Variants in RELT observed in about 807,000 individuals in gnomAD.
RELT encodes RELT TNF receptor, also known as tumor necrosis factor receptor superfamily member 19L.
RELT carries 37 observed loss-of-function variants against 51.1 expected under a neutral mutation model. The ratio of observed to expected loss-of-function variants is 0.72; its 90% CI spans 0.56 to 0.95. RELT has a LOEUF of 0.95. Ranked by LOEUF, RELT falls within the 40% of genes least tolerant of loss-of-function variation. RELT has a pLI of 0.00. For missense variants in RELT, 535 were observed against 572.6 expected, an observed-to-expected ratio of 0.93 and a Z score of 0.67; for synonymous variants, 241 against 235.7, an observed-to-expected ratio of 1.02 and a Z score of -0.21.
In RELT at chr11:73,395,496, C is replaced by CG; in HGVS notation, c.*7dup. The stretch of plus-strand genomic sequence containing the variant: ...GAGAGCAACCTGGTCATCTGAGGGG[C>CG]GGTCTAGTCTAAGGACACTGCGGCC... On this transcript the variant is annotated 3_prime_UTR_variant, in exon 11 of 11. Coordinates refer to ENST00000064780, the MANE Select transcript of RELT (RefSeq NM_152222.2). 1 of 788,224 alleles carries CG rather than the reference C, an allele frequency of 1.3e-6. No individual in the cohort carries two copies. The highest frequency in any genetic ancestry group is 2.4e-6 in the Non-Finnish European group (1 of 424,808). The allele number at this position is 788,224 out of a possible 1,614,324, so 48.8% of individuals were successfully genotyped here.
Position 73,393,801 on chromosome 11 carries a change from CCTCTTCCCCAGGATCAGGGCCCTT to C in RELT, c.626-22_627del, listed in dbSNP as rs749777885. On this transcript the variant is annotated splice_polypyrimidine_tract_variant and intron_variant, in intron 6 of 10. Coordinates refer to ENST00000064780, the MANE Select transcript of RELT (RefSeq NM_152222.2). ...GTTTAGCTCAGGAGTGCGGCTTCCC[CCTCTTCCCCAGGATCAGGGCCCTT>C]CTCTTCCCCAGGAATCAACCCTGCC... The C allele has an allele frequency of 4.4e-6, 7 of 1,606,692 alleles. No individual in the cohort carries two copies. Among genetic ancestry groups the C allele is most frequent in the South Asian group, 1.1e-5 (1 of 90,912 alleles).
In RELT at chr11:73,392,439, T is replaced by G. The variant is rs142304413; in HGVS notation, c.596T>G (p.Val199Gly). The G allele has an allele frequency of 1.1e-5, 18 of 1,612,794 alleles. No individual in the cohort carries two copies. Among genetic ancestry groups the G allele is most frequent in the Non-Finnish European group, 1.5e-5 (18 of 1,179,814 alleles). Residue 199 changes from valine to glycine, a missense_variant, in exon 6 of 11, where the codon GTC (valine) becomes GGC (glycine). Transcript: ENST00000064780. ...TACCACTGCACGGCGCACAAGGAGG[T>G]CGGGCCCGGCCCTGGAGGTGGAGGC... ...KGYHCTAHKE[V>G]GPGPGGGGSG...
At position 73,390,558 on chromosome 11, in the gene RELT, C is replaced by A. The variant is rs146619078; in HGVS notation, c.53C>A (p.Pro18His). The A allele has an allele frequency of 2.5e-6, 4 of 1,613,904 alleles. No individual in the cohort carries two copies. The African/African-American group carries it at 5.3e-5, about 22-fold the overall frequency. ...TGCCTACTGTTCTTCTAGCTGCTGC[C>A]CTGGCCTCTCGCCACCCTGACATCA... ...RPLSCFLMLLPWPLATLTSTT... is the reference protein window; with the variant it reads ...RPLSCFLMLLHWPLATLTSTT... Residue 18 changes from proline (P) to histidine (H), a missense_variant, in exon 3 of 11, where the codon CCC (proline) becomes CAC (histidine). Coordinates refer to ENST00000064780, the MANE Select transcript of RELT (RefSeq NM_152222.2).
chr11:73,387,789 G>T (rs751712565), intron 1 of RELT, among the ~76,000 whole-genome samples: 15 of 151,826 alleles, frequency 9.9e-5, no homozygotes, highest in Non-Finnish European at 1.8e-4. Context: ...AGAGGACTCT[G>T]AGTGATTTGG....
chr11:73,392,057 G>A (rs1866223456), intron 5 of RELT, 154 bp from the exon 6 acceptor site: 3 of 850,286 alleles, frequency 3.5e-6, no homozygotes, highest in African/African-American at 1.7e-5. Context: ...GGAGGGCAGT[G>A]GGTTGACCTT....
At position 73,395,208 on chromosome 11, in the gene RELT, C is replaced by A. The variant is rs199654144; in HGVS notation, c.1168C>A (p.Pro390Thr). ...LPDSPQPGLPPEQQALLGSGG... is the reference protein window; with the variant it reads ...LPDSPQPGLPTEQQALLGSGG... ...TGACTCCCCACAGCCTGGCCTCCCCCCTGAGCAGCAGGCCCTGCTAGGAAG... is the reference window on the plus strand; with the variant it reads ...TGACTCCCCACAGCCTGGCCTCCCCACTGAGCAGCAGGCCCTGCTAGGAAG... The change falls in exon 10 of 11, where the codon CCT becomes ACT. Residue 390 changes from proline to threonine, a missense_variant. By Grantham distance (38) the Pro-to-Thr change is conservative. Coordinates refer to ENST00000064780, the MANE Select transcript of RELT (RefSeq NM_152222.2). 44 of 1,613,346 alleles carry A rather than the reference C, an allele frequency of 2.7e-5. No individual in the cohort carries two copies. Among genetic ancestry groups the A allele is most frequent in the African/African-American group, 4.0e-5 (3 of 75,054 alleles).
intron 1 of RELT, among the ~76,000 whole-genome samples, chr11:73,384,803 C>A (rs1216553681): frequency 6.6e-6 from 1 of 152,186 alleles, no homozygotes; most frequent in African/African-American, 2.4e-5. Context: ...ATGGAGCAGG[C>A]AGCTCGTGGT....
intron 1 of RELT, among the ~76,000 whole-genome samples, chr11:73,382,753 A>C (rs751803956): frequency 6.6e-6 from 1 of 152,170 alleles, no homozygotes; most frequent in Non-Finnish European, 1.5e-5. Context: ...GACCCAGCTT[A>C]GAGTGGGAAG....
At position 73,390,888 on chromosome 11, in the gene RELT, C is replaced by T. The variant is rs768412908; in HGVS notation, c.254C>T (p.Thr85Ile). The change falls in exon 4 of 11, where the codon ACT becomes ATT. Residue 85 changes from threonine (T) to isoleucine (I), a missense_variant. Transcript: ENST00000064780. Reference protein sequence around the residue: ...RRLEAQVGMATRDTLCGDCWP... With the variant: ...RRLEAQVGMAIRDTLCGDCWP... ...CTGGAGGCCCAGGTGGGCATGGCAA[C>T]TCGAGATACACTCTGTGGAGACTGC... 5 of 1,613,336 alleles carry T rather than the reference C, an allele frequency of 3.1e-6. No individual in the cohort carries two copies. In the Admixed American group the frequency reaches 8.4e-5, roughly 27 times the overall value.
chr11:73,394,065 G>A lies in RELT; in HGVS notation c.706+148G>A. 1 of 955,548 alleles carries A rather than the reference G, an allele frequency of 1.0e-6. No individual in the cohort carries two copies. The highest frequency in any genetic ancestry group is 1.6e-5 in the African/African-American group (1 of 61,932). The allele number at this position is 955,548 out of a possible 1,614,324, so 59.2% of individuals were successfully genotyped here. A position where few individuals can be genotyped will look rare whatever the true frequency, so the allele number is the denominator to read the frequency against. On this transcript the variant is annotated intron_variant, in intron 7 of 10. Transcript: ENST00000064780. This position sits in a 1 kb window ranked among gnomAD's most constrained non-coding sequence, Gnocchi z 4.9. Reference sequence around the variant, plus strand: ...AGCAGCCTGGTGCTCTCTGACCCAGGAGTGCACACCTCTGCCTCCCATTCT... The same window carrying A: ...AGCAGCCTGGTGCTCTCTGACCCAGAAGTGCACACCTCTGCCTCCCATTCT...
intron 1 of RELT, among the ~76,000 whole-genome samples, chr11:73,387,144 C>T (rs1866136609): frequency 6.6e-6 from 1 of 152,122 alleles, no homozygotes; most frequent in South Asian, 2.1e-4. Flanking sequence ...GGGGTTTCAG[C>T]ATCTTGGCCA....
chr11:73,377,831 A>G (rs1157180451), intron 1 of RELT, among the ~76,000 whole-genome samples: 1 of 151,852 alleles, frequency 6.6e-6, no homozygotes, highest in Non-Finnish European at 1.5e-5. Flanking sequence ...AGGCAGAAAG[A>G]CTGCAGTGGG....
chr11:73,377,054 CTG>C (rs1262616926), intron 1 of RELT, among the ~76,000 whole-genome samples: 3 of 152,166 alleles, frequency 2.0e-5, no homozygotes, highest in Admixed American at 1.3e-4. Flanking sequence ...CAGAGGGGCT[CTG>C]TGTGTGGGAG....
chr11:73,391,841 G>A (rs1050194652), intron 5 of RELT: 5 of 374,674 alleles, frequency 1.3e-5, no homozygotes, highest in African/African-American at 2.0e-5. Context: ...ACCTCCTCCC[G>A]CCACTGAGTC....
chr11:73,383,289 C>G (rs569958850), intron 1 of RELT, among the ~76,000 whole-genome samples: 3 of 152,240 alleles, frequency 2.0e-5, no homozygotes, highest in Non-Finnish European at 4.4e-5. Flanking sequence ...CCCTAGTAAG[C>G]TGGGGTTCCA....
At chr11:73,385,228 G>A (rs1866106091) in intron 1 of RELT, among the ~76,000 whole-genome samples, 1 of 152,148 alleles carries the variant, frequency 6.6e-6, no homozygotes, top group East Asian at 1.9e-4. Context: ...AGGGGAGGGG[G>A]AGTGGCGTGG....
At position 73,393,021 on chromosome 11, in the gene RELT, C is replaced by T. The variant is rs867742773; in HGVS notation, c.625+553C>T. ...TCCTTCTTCCCCACACCACTACTCCCCTGCAGGGCAGGGGCCCACTCGCAC... is the reference window on the plus strand; with the variant it reads ...TCCTTCTTCCCCACACCACTACTCCTCTGCAGGGCAGGGGCCCACTCGCAC... On this transcript the variant is annotated intron_variant, in intron 6 of 10. Coordinates refer to ENST00000064780, the MANE Select transcript of RELT (RefSeq NM_152222.2). 63 of 1,001,384 alleles carry T rather than the reference C, an allele frequency of 6.3e-5. No homozygotes were observed. In the Middle Eastern group the frequency reaches 1.5e-3, roughly 24 times the overall value. The allele number at this position is 1,001,384 out of a possible 1,614,324, so 62.0% of individuals were successfully genotyped here.
At chr11:73,381,863 GTTT>G (rs1866055324) in intron 1 of RELT, among the ~76,000 whole-genome samples, 1 of 152,176 alleles carries the variant, frequency 6.6e-6, no homozygotes, top group African/African-American at 2.4e-5. Context: ...TGCTGCCAGG[GTTT>G]ACGTGGAGTT....
chr11:73,379,849 A>T (rs954377189), intron 1 of RELT, among the ~76,000 whole-genome samples: 6 of 152,226 alleles, frequency 3.9e-5, no homozygotes, highest in Non-Finnish European at 8.8e-5. Context: ...AGTGTAGTTC[A>T]AACTCCTCAC....
Sources: gnomAD v4.1 joint callset for allele counts (sites outside exome capture counted in the v4.1 genomes callset) on GRCh38, gnomAD v4.1.1 for gene constraint, Gnocchi (gnomAD v3.1) non-coding constraint, MANE v1.5 for transcripts, NCBI Gene and HGNC (gene_info 2026-07-23, HGNC 2026-07-21) for gene names.